Variants in PPFIBP2 observed in about 807,000 individuals in gnomAD.
PPFIBP2 encodes liprin-beta-2.
Under a neutral mutation model 118.3 loss-of-function variants are expected in PPFIBP2, and 118 were observed. The observed-to-expected ratio is 1.00, with a 90% CI of 0.86 to 1.16. The LOEUF is 1.16. PPFIBP2 is among the 50% of genes most tolerant of loss of function. PPFIBP2 has a pLI of 0.00. For missense variants in PPFIBP2, 1,195 were observed against 1,073.1 expected (o/e 1.11, Z -1.59); for synonymous variants, 414 against 397.4 (o/e 1.04, Z -0.50).
chr11:7,601,291 A>G (rs1034212650), intron 5 of PPFIBP2, among the ~76,000 whole-genome samples: 2 of 152,246 alleles, frequency 1.3e-5, no homozygotes, highest in South Asian at 2.1e-4. Context: ...GCCTCCAGAA[A>G]GAGCAAGAAG....
At chr11:7,536,807 G>A (rs1163735566) in intron 1 of PPFIBP2, among the ~76,000 whole-genome samples, 1 of 152,140 alleles carries the variant, frequency 6.6e-6, no homozygotes, top group Non-Finnish European at 1.5e-5. Flanking sequence ...AGAATGAGCT[G>A]AGGAGCACGT....
intron 12 of PPFIBP2, among the ~76,000 whole-genome samples, chr11:7,633,636 A>G (rs1401035013): frequency 1.3e-5 from 2 of 152,152 alleles, no homozygotes; most frequent in Non-Finnish European, 2.9e-5. Context: ...GAGTCTCCAG[A>G]GCCTGCACTC....
intron 3 of PPFIBP2, among the ~76,000 whole-genome samples, chr11:7,586,839 C>A (rs1347204552): frequency 1.3e-5 from 2 of 152,204 alleles, no homozygotes. Context: ...GAGCTCTCAG[C>A]CTCCCAGCGC....
intron 3 of PPFIBP2, among the ~76,000 whole-genome samples, chr11:7,592,444 G>A (rs1439361427): frequency 6.6e-6 from 1 of 152,086 alleles, no homozygotes; most frequent in Non-Finnish European, 1.5e-5. Flanking sequence ...GCATCCCTCT[G>A]GCTATTATTT....
chr11:7,538,730 C>T (rs948821177), intron 1 of PPFIBP2, among the ~76,000 whole-genome samples: 5 of 139,582 alleles, frequency 3.6e-5, no homozygotes, highest in Admixed American at 6.8e-5. Flanking sequence ...TGGGAATACC[C>T]GGTGCATAAA....
At chr11:7,615,853 A>T (rs528238144) in intron 6 of PPFIBP2, among the ~76,000 whole-genome samples, 11 of 152,212 alleles carry the variant, frequency 7.2e-5, no homozygotes, top group Admixed American at 3.9e-4. Flanking sequence ...GTAAATCATA[A>T]CTCTGACAAT....
rs1217986649 is a variant in PPFIBP2, at chr11:7,641,592, C to T, written c.1489C>T (p.Pro497Ser). Reference sequence around the variant, plus strand: ...TCTGACACCAGATGGTAAACGGAATCCCAAAGGCATTAAGAAGTTCTGGGG... The same window carrying T: ...TCTGACACCAGATGGTAAACGGAATTCCAAAGGCATTAAGAAGTTCTGGGG... ...SPLTPDGKRN[P>S]KGIKKFWGKI... is the part of the protein sequence containing the mutation. The change falls in exon 16 of 24, where the codon CCC (proline) becomes TCC (serine). Residue 497 changes from proline (P) to serine (S), a missense_variant. Coordinates refer to ENST00000299492, the MANE Select transcript of PPFIBP2 (RefSeq NM_003621.5). The T allele has an allele frequency of 6.2e-7, 1 of 1,613,990 alleles. No homozygotes were observed. The highest frequency in any genetic ancestry group is 8.5e-7 in the Non-Finnish European group (1 of 1,179,852).
downstream of PPFIBP2, among the ~76,000 whole-genome samples, chr11:7,660,721 G>A (rs1854872532): frequency 6.6e-6 from 1 of 150,834 alleles, no homozygotes; most frequent in Non-Finnish European, 1.5e-5. Context: ...CAGAAGGAAT[G>A]GTACCAGTTC....
Position 7,648,455 on chromosome 11 carries a change from T to A in PPFIBP2, c.1715T>A (p.Leu572Gln), listed in dbSNP as rs769338671. ...RVCAWLEDFG[L>Q]AQYVIFARQW... ...TGTGCATGGCTGGAGGACTTTGGCC[T>A]GGCTCAGTATGTGATCTTTGCCAGG... is the stretch of plus-strand genomic sequence containing the variant. Residue 572 changes from leucine to glutamine, a missense_variant, in exon 18 of 24, where the codon CTG (leucine) becomes CAG (glutamine). Coordinates refer to ENST00000299492, the MANE Select transcript of PPFIBP2 (RefSeq NM_003621.5). 1 of 1,614,156 alleles carries A rather than the reference T, an allele frequency of 6.2e-7. No individual in the cohort carries two copies. Among genetic ancestry groups the A allele is most frequent in the Non-Finnish European group, 8.5e-7 (1 of 1,180,032 alleles).
chr11:7,616,343 C>G lies in PPFIBP2; in HGVS notation c.619-4592C>G, dbSNP rs758581144. The stretch of plus-strand genomic sequence containing the variant: ...AATGAACCATTTCCTTCTTGATTTT[C>G]AAAATGGCAAAAGTTTGATAGATTC... On this transcript the variant is annotated intron_variant, in intron 6 of 23. Transcript: ENST00000299492. This position sits in a 1 kb window ranked among gnomAD's most constrained non-coding sequence, Gnocchi z 5.2. 6.6e-6 allele frequency among the ~76,000 whole-genome samples: 1 copy of G among 152,108 alleles called. No homozygotes were observed. The highest frequency in any genetic ancestry group is 1.5e-5 in the Non-Finnish European group (1 of 68,028).
intron 1 of PPFIBP2, among the ~76,000 whole-genome samples, chr11:7,538,863 ATC>A (rs1851488028): frequency 1.3e-5 from 2 of 152,076 alleles, no homozygotes; most frequent in South Asian, 2.1e-4. Flanking sequence ...GTTCTGATAG[ATC>A]TCAGCCCCCA....
At chr11:7,618,931 A>G (rs562115048) in intron 6 of PPFIBP2, among the ~76,000 whole-genome samples, 4 of 141,234 alleles carry the variant, frequency 2.8e-5, no homozygotes, top group East Asian at 4.3e-4. Context: ...GCATCAGCAT[A>G]TGCTCACCTC....
At chr11:7,553,910 G>A (rs1853279467) in intron 2 of PPFIBP2, among the ~76,000 whole-genome samples, 1 of 152,054 alleles carries the variant, frequency 6.6e-6, no homozygotes, top group Admixed American at 6.5e-5. Flanking sequence ...CTGAGGGAAG[G>A]ATACTTTTCT....
intron 15 of PPFIBP2, 62 bp from the exon 16 acceptor site, chr11:7,641,417 G>A: frequency 6.3e-6 from 10 of 1,576,798 alleles, no homozygotes; most frequent in Non-Finnish European, 8.7e-6. Context: ...CCAGGCTTGG[G>A]GAAGAAGGGT....
intron 3 of PPFIBP2, chr11:7,572,001 G>C (rs1301636265): frequency 6.6e-6 from 1 of 152,170 alleles, no homozygotes; most frequent in Non-Finnish European, 1.5e-5. Context: ...CTGCACCTGG[G>C]TCAGCTGGCA....
At chr11:7,565,330 A>C (rs1157393144) in intron 2 of PPFIBP2, among the ~76,000 whole-genome samples, 1 of 152,182 alleles carries the variant, frequency 6.6e-6, no homozygotes, top group African/African-American at 2.4e-5. Flanking sequence ...ACTATTCGCA[A>C]GCCAGATATT....
chr11:7,568,565 G>A (rs1403990123), intron 3 of PPFIBP2, among the ~76,000 whole-genome samples: 2 of 152,218 alleles, frequency 1.3e-5, no homozygotes, highest in Non-Finnish European at 2.9e-5. Context: ...CTAGCTGCAA[G>A]GGAGGCTGGG....
At chr11:7,574,960 A>T (rs1454136179) in intron 3 of PPFIBP2, among the ~76,000 whole-genome samples, 1 of 152,118 alleles carries the variant, frequency 6.6e-6, no homozygotes, top group Non-Finnish European at 1.5e-5. Context: ...GTTTATCTGG[A>T]TTCTTCCCTC....
chr11:7,666,687 A>T, the PPFIBP2 span: 1 of 582,418 alleles, frequency 1.7e-6, no homozygotes, highest in Non-Finnish European at 3.1e-6. Context: ...TCCCACGGCA[A>T]ACAAGAGTTC....
Sources: gnomAD v4.1 joint callset for allele counts (sites outside exome capture counted in the v4.1 genomes callset) on GRCh38, gnomAD v4.1.1 for gene constraint, Gnocchi (gnomAD v3.1) non-coding constraint, MANE v1.5 for transcripts, NCBI Gene and HGNC (gene_info 2026-07-23, HGNC 2026-07-21) for gene names.